The following GSE1 variants were observed in gnomAD, a reference collection of about 807,000 sequenced individuals.
GSE1 encodes the protein Gse1 coiled-coil protein, also known as genetic suppressor element 1.
In GSE1, 32 loss-of-function variants were observed where a neutral mutation model predicts 112.6. That is an observed-to-expected ratio of 0.28 (90% CI 0.21 to 0.38). The LOEUF is 0.38. Among genes scored for constraint, GSE1 ranks in the 10% least tolerant of loss-of-function variants. The pLI, the probability that GSE1 is intolerant of heterozygous loss-of-function variation, is 1.00. For synonymous variants in GSE1, 1,115 were observed against 735.6 expected, an observed-to-expected ratio of 1.52 and a Z score of -8.35; for missense variants, 2,348 against 1,699.2, an observed-to-expected ratio of 1.38 and a Z score of -6.71.
chr16:85,505,619 C>T (rs146099250), intron 2 of GSE1, among the ~76,000 whole-genome samples: 151 of 152,248 alleles, frequency 9.9e-4, no homozygotes, highest in African/African-American at 3.4e-3. Context: ...GTTGGGAGTG[C>T]CGGCGGGGGG....
chr16:85,580,093 A>AGAGAG (rs1397068941), intron 1 of GSE1: 1 of 152,282 alleles, frequency 6.6e-6, no homozygotes, highest in East Asian at 1.9e-4. Flanking sequence ...TGGGACAACC[A>AGAGAG]GAGAGGGCCT....
At chr16:85,538,420 T>C in intron 2 of GSE1, among the ~76,000 whole-genome samples, 1 of 152,118 alleles carries the variant, frequency 6.6e-6, no homozygotes, top group East Asian at 1.9e-4. Flanking sequence ...AGTTTACAAG[T>C]GTGGGGGTAC....
chr16:85,443,121 A>G (rs1345558418), intron 2 of GSE1, among the ~76,000 whole-genome samples: 1 of 152,310 alleles, frequency 6.6e-6, no homozygotes. Context: ...TCTTCCCAGT[A>G]AGGTCCTAGC....
intron 2 of GSE1, among the ~76,000 whole-genome samples, chr16:85,497,085 A>G (rs1597959125): frequency 6.6e-6 from 1 of 151,882 alleles, no homozygotes; most frequent in Middle Eastern, 3.4e-3. Context: ...TTTTAGTAGA[A>G]ACAGGGTTTC....
At position 85,657,495 on chromosome 16, in the gene GSE1, C is replaced by A. The variant is rs2052065286; in HGVS notation, c.1531C>A (p.Arg511=). 1 of 1,606,514 alleles carries A rather than the reference C, an allele frequency of 6.2e-7. No individual in the cohort carries two copies. The highest frequency in any genetic ancestry group is 1.3e-5 in the African/African-American group (1 of 74,780). Residue 511 remains arginine, a synonymous_variant, in exon 8 of 16, where the codon CGG becomes AGG. Transcript: ENST00000253458. ...QRRLRQEKED[R]QSQVSEFRQQ... ...GCGGCTGCGGCAGGAGAAGGAGGAC[C>A]GGCAGTCTCAGGTGTCCGAGTTCCG...
Position 85,657,368 on chromosome 16 carries a change from C to T in GSE1, c.1404C>T (p.Leu468=), listed in dbSNP as rs2052052527. ...CCCCACACCACACGGTGCCCAGCCT[C>T]ATCTCCAACCATGGCATCTTCTCTC... The part of the protein sequence containing the change: ...VPTPHHTVPS[L]ISNHGIFSLP... The change falls in exon 8 of 16, where the codon CTC becomes CTT. Residue 468 remains leucine (L), a synonymous_variant. Transcript: ENST00000253458. 6.2e-7 allele frequency: 1 copy of T among 1,612,544 alleles called. No homozygotes were observed. Among genetic ancestry groups the T allele is most frequent in the Non-Finnish European group, 8.5e-7 (1 of 1,179,834 alleles).
At chr16:85,430,378 G>T (rs1222256041) in intron 2 of GSE1, among the ~76,000 whole-genome samples, 2 of 152,192 alleles carry the variant, frequency 1.3e-5, no homozygotes, top group Non-Finnish European at 2.9e-5. Flanking sequence ...AGTCACAGAT[G>T]GGGGAAGAAC....
chr16:85,411,406 GC>G (rs1200466952), intron 2 of GSE1, among the ~76,000 whole-genome samples: 19 of 21,030 alleles, frequency 9.0e-4, no homozygotes, highest in African/African-American at 2.7e-3. Context: ...TACACTCAGG[GC>G]CCCCCGGATA....
At position 85,661,530 on chromosome 16, in the gene GSE1, G is replaced by A. The variant is rs150790329; in HGVS notation, c.2025G>A (p.Leu675=). The stretch of plus-strand genomic sequence containing the variant: ...TCCTGCCCGGGCCCGGGCCCTTCCT[G>A]GCTGAGCTCGAGAAGTCCACCCAGA... ...QPFLPGPGPF[L]AELEKSTQTI... Residue 675 remains leucine (L), a synonymous_variant, in exon 9 of 16, where the codon CTG becomes CTA. Coordinates refer to ENST00000253458, the MANE Select transcript of GSE1 (RefSeq NM_014615.5). 35 of 1,611,890 alleles carry A rather than the reference G, an allele frequency of 2.2e-5. No individual in the cohort carries two copies. The highest frequency in any genetic ancestry group is 6.7e-5 in the Admixed American group (4 of 59,990).
At chr16:85,298,793 C>T (rs1355320299) in intron 1 of GSE1, among the ~76,000 whole-genome samples, 2 of 152,352 alleles carry the variant, frequency 1.3e-5, no homozygotes, top group East Asian at 1.9e-4. Context: ...GCCAGGACCG[C>T]ATTGTGAACG....
At chr16:85,268,602 G>A (rs1180490115) in intron 1 of GSE1, among the ~76,000 whole-genome samples, 2 of 152,188 alleles carry the variant, frequency 1.3e-5, no homozygotes, top group East Asian at 3.9e-4. Flanking sequence ...ATAAGGACAG[G>A]TGTGAGGCCT....
intron 2 of GSE1, among the ~76,000 whole-genome samples, chr16:85,385,888 A>G (rs1366080982): frequency 6.6e-6 from 1 of 152,180 alleles, no homozygotes; most frequent in Non-Finnish European, 1.5e-5. Context: ...CGGGGCGTGC[A>G]CAGCCCTGAA....
chr16:85,337,446 C>T (rs1351515230), intron 1 of GSE1, among the ~76,000 whole-genome samples: 4 of 151,962 alleles, frequency 2.6e-5, no homozygotes, highest in Admixed American at 6.5e-5. Flanking sequence ...GCTGGGACTA[C>T]AGGCGCCCGC....
At chr16:85,273,191 C>G (rs1350247221) in intron 1 of GSE1, among the ~76,000 whole-genome samples, 1 of 152,208 alleles carries the variant, frequency 6.6e-6, no homozygotes, top group Non-Finnish European at 1.5e-5. Context: ...TCTCCGGGCC[C>G]TGGTGTCCCC....
chr16:85,609,736 C>G (rs546614917), upstream of GSE1, among the ~76,000 whole-genome samples: 71 of 152,252 alleles, frequency 4.7e-4, no homozygotes, highest in South Asian at 2.1e-3. Flanking sequence ...CTCACTGCGA[C>G]CTCTGCCTCC....
chr16:85,359,533 A>G, intron 2 of GSE1: 1 of 394,162 alleles, frequency 2.5e-6, no homozygotes. Context: ...CCCTAATAGT[A>G]GGTGTTGGTA....
intron 2 of GSE1, among the ~76,000 whole-genome samples, chr16:85,424,729 G>A (rs1400099849): frequency 6.6e-6 from 1 of 152,212 alleles, no homozygotes; most frequent in East Asian, 1.9e-4. Context: ...AGGCGCGAGG[G>A]CTCCTCACGC....
chr16:85,659,138 C>G (rs966833989), intron 8 of GSE1, among the ~76,000 whole-genome samples: 1 of 152,196 alleles, frequency 6.6e-6, no homozygotes, highest in African/African-American at 2.4e-5. Flanking sequence ...CTGTTGTATT[C>G]TGCTAAGAGG....
chr16:85,588,031 G>A (rs936683377), intron 1 of GSE1, among the ~76,000 whole-genome samples: 4 of 152,194 alleles, frequency 2.6e-5, no homozygotes, highest in African/African-American at 7.2e-5. Context: ...CTACAGGGGA[G>A]GCAGTGTCTC....
Sources: gnomAD v4.1 joint callset for allele counts (sites outside exome capture counted in the v4.1 genomes callset) on GRCh38, gnomAD v4.1.1 for gene constraint, MANE v1.5 for transcripts, NCBI Gene and HGNC (gene_info 2026-07-23, HGNC 2026-07-21) for gene names.